ZNF45: variants seen among roughly 807,000 people sequenced by gnomAD.
ZNF45 encodes BRC1744.
ZNF45 carries 4 observed loss-of-function variants against 12.0 expected under a neutral mutation model. The ratio of observed to expected loss-of-function variants is 0.33; its 90% confidence interval spans 0.16 to 0.76. ZNF45 has a LOEUF of 0.76. Ranked by LOEUF, ZNF45 falls within the 30% of genes least tolerant of loss-of-function variation. ZNF45 has a pLI of 0.60. For synonymous variants in ZNF45, 272 were observed against 279.6 expected, an observed-to-expected ratio of 0.97 and a Z score of 0.27; for missense variants, 700 against 813.0, an observed-to-expected ratio of 0.86 and a Z score of 1.69.
In ZNF45 at chr19:43,915,139, A is replaced by C; in HGVS notation, c.297T>G (p.His99Gln). 1 of 1,579,554 alleles carries C rather than the reference A, an allele frequency of 6.3e-7. No individual in the cohort carries two copies. The highest frequency in any genetic ancestry group is 8.6e-7 in the Non-Finnish European group (1 of 1,163,362). Residue 99 changes from histidine (H) to glutamine (Q), a missense_variant, in exon 10 of 10, where the codon CAT (histidine) becomes CAG (glutamine). Coordinates refer to ENST00000269973, the MANE Select transcript of ZNF45 (RefSeq NM_003425.4). The part of the protein sequence containing the change: ...LQEVGLRYLP[H>Q]EELFCSQIWQ... ...AGATCTGGGAGCAGAAAAGCTCTTC[A>C]TGAGGCAGGTACCTTAATCCTACTT...
At chr19:43,928,181 C>CAA (rs71338710) in intron 3 of ZNF45, among the ~76,000 whole-genome samples, 6,299 of 93,772 alleles carry the variant, frequency 0.067, 620 homozygotes, top group East Asian at 0.24. Flanking sequence ...AACTCTGTCT[C>CAA]AAAAAAAAAA....
Position 43,914,588 on chromosome 19 carries a change from A to G in ZNF45, c.848T>C (p.Val283Ala). The part of the protein sequence containing the change: ...EKPYKCEECG[V>A]GFSQRSYLQV... Reference sequence around the variant, plus strand: ...AAGATATGATCTCTGACTGAAGCCCACCCCACACTCCTCACATTTATAGGG... The same window carrying G: ...AAGATATGATCTCTGACTGAAGCCCGCCCCACACTCCTCACATTTATAGGG... Residue 283 changes from valine to alanine, a missense_variant, in exon 10 of 10, where the codon GTG (valine) becomes GCG (alanine). By Grantham distance (64) the Val-to-Ala change is moderately conservative (BLOSUM62 0). Transcript: ENST00000269973. 1 of 1,599,508 alleles carries G rather than the reference A, an allele frequency of 6.3e-7. No individual in the cohort carries two copies. Among genetic ancestry groups the G allele is most frequent in the Non-Finnish European group, 8.5e-7 (1 of 1,174,092 alleles).
chr19:43,913,428 C>G lies in ZNF45; in HGVS notation c.2008G>C (p.Asp670His). The G allele has an allele frequency of 6.4e-7, 1 of 1,573,808 alleles. No individual in the cohort carries two copies. The highest frequency in any genetic ancestry group is 8.6e-7 in the Non-Finnish European group (1 of 1,159,770). The change falls in exon 10 of 10, where the codon GAC (aspartate) becomes CAC (histidine). Residue 670 changes from aspartate (D) to histidine (H), a missense_variant. Asp to His is a moderately conservative substitution (Grantham distance 81). Transcript: ENST00000269973. ...RVHADDEGDK[D>H]FPSSEDSHRK... is the part of the protein sequence containing the mutation. ...TGTGAATCCTCTGATGAAGGAAAGT[C>G]CTTGTCACCCTCATCATCAGCATGG...
chr19:43,925,221 G>C (rs1321726057), intron 4 of ZNF45, 104 bp downstream of exon 4: 1 of 152,236 alleles, frequency 6.6e-6, no homozygotes, highest in Non-Finnish European at 1.5e-5. Context: ...CTTGATCATG[G>C]ACTTCCCAGT....
intron 7 of ZNF45, among the ~76,000 whole-genome samples, chr19:43,920,314 T>C (rs1454900343): frequency 6.6e-6 from 1 of 152,212 alleles, no homozygotes; most frequent in East Asian, 1.9e-4. Flanking sequence ...TTTTAGCATA[T>C]ACGTTGTTGT....
chr19:43,920,787 G>A (rs1423973598), intron 7 of ZNF45, among the ~76,000 whole-genome samples: 1 of 151,836 alleles, frequency 6.6e-6, no homozygotes, highest in African/African-American at 2.4e-5. Flanking sequence ...TTTTAGTACA[G>A]ATGGGGTTTA....
intron 6 of ZNF45, among the ~76,000 whole-genome samples, chr19:43,922,905 A>C (rs1170698423): frequency 6.7e-6 from 1 of 149,750 alleles, no homozygotes; most frequent in East Asian, 2.0e-4. Context: ...GACTCACTAA[A>C]GCCTTGACCT....
intron 6 of ZNF45, among the ~76,000 whole-genome samples, chr19:43,922,814 T>C (rs913663503): frequency 1.3e-4 from 18 of 133,972 alleles, no homozygotes; most frequent in African/African-American, 4.8e-4. Context: ...TACCAATAAA[T>C]TCTTTGTTTT....
In ZNF45 at chr19:43,913,371, G is replaced by T; in HGVS notation, c.*16C>A. The T allele has an allele frequency of 1.3e-6, 2 of 1,525,316 alleles. No individual in the cohort carries two copies. Among genetic ancestry groups the T allele is most frequent in the South Asian group, 2.6e-5 (2 of 75,852 alleles). 94.5% of individuals were successfully genotyped at this position (1,525,316 alleles called of 1,614,324 possible). A position where few individuals can be genotyped will look rare whatever the true frequency, so the allele number is the denominator to read the frequency against. Reference sequence around the variant, plus strand: ...TTAAAATATTTCAGCACCCATCTGAGATAGTAAAACATATTTTATCGAGTT... The same window carrying T: ...TTAAAATATTTCAGCACCCATCTGATATAGTAAAACATATTTTATCGAGTT... On this transcript the variant is annotated 3_prime_UTR_variant, in exon 10 of 10. Coordinates refer to ENST00000269973, the MANE Select transcript of ZNF45 (RefSeq NM_003425.4).
chr19:43,914,953 T>G lies in ZNF45; in HGVS notation c.483A>C (p.Glu161Asp). The G allele has an allele frequency of 6.2e-7, 1 of 1,610,748 alleles. No homozygotes were observed. The highest frequency in any genetic ancestry group is 8.5e-7 in the Non-Finnish European group (1 of 1,177,254). The change falls in exon 10 of 10, where the codon GAA becomes GAC. Residue 161 changes from glutamate (E) to aspartate (D), a missense_variant. By Grantham distance (45) the Glu-to-Asp change is conservative. Coordinates refer to ENST00000269973, the MANE Select transcript of ZNF45 (RefSeq NM_003425.4). ...HLQVHRVHTG[E>D]KPYKGEHCVK... ...CACAATGTTCTCCTTTGTAGGGTTT[T>G]TCACCAGTGTGGACTCTGTGAACTT... is the stretch of plus-strand genomic sequence containing the variant.
intron 3 of ZNF45, among the ~76,000 whole-genome samples, chr19:43,928,181 CAAA>C (rs71338710): frequency 2.1e-5 from 2 of 93,884 alleles, no homozygotes; most frequent in Non-Finnish European, 4.1e-5. Flanking sequence ...AACTCTGTCT[CAAA>C]AAAAAAAAAA....
At position 43,913,962 on chromosome 19, in the gene ZNF45, TAC is replaced by T; in HGVS notation, c.1472_1473del (p.Cys491Ter). ...TAGGGTTTCTCTCCTGTGTGGATTC[TAC>T]AGTGTACATTAAGATCTGAGCTCCG... The part of the protein sequence containing the change: ...FSRSSDLNVH[C>X]RIHTGEKPYK... On this transcript the variant is annotated frameshift_variant, in exon 10 of 10. Coordinates refer to ENST00000269973, the MANE Select transcript of ZNF45 (RefSeq NM_003425.4). LOFTEE classifies it low-confidence loss of function (END_TRUNC). 1 of 1,602,410 alleles carries T rather than the reference TAC, an allele frequency of 6.2e-7. No homozygotes were observed. Among genetic ancestry groups the T allele is most frequent in the Non-Finnish European group, 8.5e-7 (1 of 1,171,934 alleles).
intron 3 of ZNF45, among the ~76,000 whole-genome samples, chr19:43,930,598 A>G (rs1974056285): frequency 6.6e-6 from 1 of 152,130 alleles, no homozygotes; most frequent in Non-Finnish European, 1.5e-5. Flanking sequence ...ACTGATTATC[A>G]GCTCCCTGCT....
intron 3 of ZNF45, chr19:43,926,387 T>C (rs1404451410): frequency 1.3e-5 from 2 of 152,258 alleles, no homozygotes; most frequent in Non-Finnish European, 2.9e-5. Context: ...AAGTACTCTC[T>C]GCTCTTCAAA....
intron 3 of ZNF45, among the ~76,000 whole-genome samples, chr19:43,927,471 A>G (rs191563223): frequency 6.6e-6 from 1 of 152,332 alleles, no homozygotes; most frequent in Admixed American, 6.5e-5. Flanking sequence ...CCTAGATGTG[A>G]AATATACAGC....
chr19:43,922,278 A>T, intron 6 of ZNF45, 61 bp from the exon 7 acceptor site: 1 of 1,215,078 alleles, frequency 8.2e-7, no homozygotes, highest in Non-Finnish European at 1.1e-6. Flanking sequence ...TTTGGCCAAA[A>T]AAAAAACCAT....
At chr19:43,933,838 G>A (rs552525937) in intron 2 of ZNF45, among the ~76,000 whole-genome samples, 6 of 152,140 alleles carry the variant, frequency 3.9e-5, no homozygotes, top group East Asian at 1.9e-4. Flanking sequence ...TACAGAGAAC[G>A]TGCATCTCTA....
chr19:43,923,067 C>T (rs1416957622), intron 6 of ZNF45, among the ~76,000 whole-genome samples: 1 of 152,058 alleles, frequency 6.6e-6, no homozygotes, highest in Non-Finnish European at 1.5e-5. Flanking sequence ...CTCAAGTGAT[C>T]CTCCTGCCTC....
At chr19:43,926,770 C>G (rs1973714446) in intron 3 of ZNF45, among the ~76,000 whole-genome samples, 1 of 152,164 alleles carries the variant, frequency 6.6e-6, no homozygotes. Context: ...TGACTGAGCT[C>G]TATTAGCCAG....
Sources: allele counts gnomAD v4.1 joint callset (sites outside exome capture counted in the v4.1 genomes callset), GRCh38; gene constraint gnomAD v4.1.1; transcripts MANE v1.5; gene names NCBI Gene and HGNC (gene_info 2026-07-23, HGNC 2026-07-21).